The following SDHC variants were observed in gnomAD, a reference collection of about 807,000 sequenced individuals.
SDHC encodes the protein succinate dehydrogenase cytochrome b560 subunit, mitochondrial.
In SDHC, 11 loss-of-function variants were observed where a neutral mutation model predicts 22.6. That is an observed-to-expected ratio of 0.49 (90% CI 0.31 to 0.81). The LOEUF is 0.81. SDHC is among the 30% of genes least tolerant of loss of function. The pLI, the probability that SDHC is intolerant of heterozygous loss-of-function variation, is 0.05. For synonymous variants in SDHC, 80 were observed against 77.8 expected (o/e 1.03, Z -0.15); for missense variants, 160 against 212.0 (o/e 0.75, Z 1.52).
At chr1:161,331,731 G>A (rs1037310226) in intron 3 of SDHC, among the ~76,000 whole-genome samples, 4 of 151,910 alleles carry the variant, frequency 2.6e-5, no homozygotes, top group African/African-American at 9.7e-5. Context: ...AAGTAGCTGG[G>A]ATTACAGGCG....
chr1:161,324,664 G>A (rs771878677), intron 2 of SDHC, among the ~76,000 whole-genome samples: 6 of 151,792 alleles, frequency 4.0e-5, no homozygotes, highest in Non-Finnish European at 7.4e-5. Flanking sequence ...ATGATTTAGT[G>A]TAGTTCAGCC....
At chr1:161,330,963 G>A (rs1671248960) in intron 3 of SDHC, among the ~76,000 whole-genome samples, 2 of 148,984 alleles carry the variant, frequency 1.3e-5, no homozygotes, top group Non-Finnish European at 3.0e-5. Context: ...GCGAGATTGT[G>A]GCGCCACTGC....
intron 1 of SDHC, among the ~76,000 whole-genome samples, chr1:161,317,558 T>G (rs1444666828): frequency 9.9e-6 from 1 of 100,528 alleles, no homozygotes; most frequent in Non-Finnish European, 1.9e-5. Flanking sequence ...TGGTTTTTTT[T>G]TTTTTTTTTT....
chr1:161,357,678 C>T (rs935953672), intron 5 of SDHC, among the ~76,000 whole-genome samples: 43 of 152,146 alleles, frequency 2.8e-4, no homozygotes, highest in Non-Finnish European at 5.9e-4. Flanking sequence ...GGATTACAGA[C>T]GTGAGCCACT....
chr1:161,340,449 G>C, intron 3 of SDHC, 145 bp from the exon 4 acceptor site: 1 of 675,272 alleles, frequency 1.5e-6, no homozygotes, highest in South Asian at 1.7e-5. Context: ...GCCAGCCTGG[G>C]CAACAGAGCG....
At chr1:161,362,198 A>C in intron 5 of SDHC, 131 bp from the exon 6 acceptor site, 5 of 1,072,150 alleles carry the variant, frequency 4.7e-6, no homozygotes, top group South Asian at 1.4e-5. Flanking sequence ...GCATAAGGGT[A>C]GAAGCGCTTT....
At chr1:161,360,675 G>A (rs1475790695) in intron 5 of SDHC, among the ~76,000 whole-genome samples, 1 of 152,070 alleles carries the variant, frequency 6.6e-6, no homozygotes, top group Non-Finnish European at 1.5e-5. Context: ...GAGCCCAGGA[G>A]TTCAATACTA....
intron 4 of SDHC, among the ~76,000 whole-genome samples, chr1:161,351,959 C>G (rs1184823578): frequency 6.6e-6 from 1 of 152,198 alleles, no homozygotes; most frequent in Non-Finnish European, 1.5e-5. Context: ...GACTTGCTGA[C>G]AGTCCGCACA....
intron 4 of SDHC, among the ~76,000 whole-genome samples, chr1:161,345,064 C>T (rs1414045114): frequency 6.6e-6 from 1 of 152,222 alleles, no homozygotes; most frequent in Admixed American, 6.5e-5. Flanking sequence ...CACTTTAGCA[C>T]TTAGATTAAA....
rs1671080111 is a variant in SDHC at position 161,326,968 on chromosome 1, G to C, written c.78-1428G>C. 2.0e-5 allele frequency among the ~76,000 whole-genome samples: 3 copies of C among 152,090 alleles called. No homozygotes were observed. In the South Asian group the frequency reaches 6.2e-4, roughly 32 times the overall value. On this transcript the variant is annotated intron_variant, in intron 2 of 5. Transcript: ENST00000367975. ...ATGTAGAGTGTTGCTCTGTTGCCCA[G>C]GGTGGAGTGCCATGATGCAATCACA...
At chr1:161,339,662 G>GTTTTTTGTTTTTTTTTTTT (rs1671638886) in intron 3 of SDHC, 2 of 49,566 alleles carry the variant, frequency 4.0e-5, no homozygotes, top group Non-Finnish European at 6.9e-5. Context: ...TGATACAGGT[G>GTTTTTTGTTTTTTTTTTTT]TTTTTTTTTT....
chr1:161,346,927 T>C (rs902047184), intron 4 of SDHC, among the ~76,000 whole-genome samples: 13 of 152,158 alleles, frequency 8.5e-5, no homozygotes, highest in Non-Finnish European at 7.3e-5. Flanking sequence ...ATGTAAACGC[T>C]ATGTAAATAG....
At chr1:161,361,397 G>A (rs1274084229) in intron 5 of SDHC, among the ~76,000 whole-genome samples, 1 of 152,000 alleles carries the variant, frequency 6.6e-6, no homozygotes, top group East Asian at 1.9e-4. Flanking sequence ...ACAAAATTGA[G>A]AAATAGTGTT....
intron 4 of SDHC, among the ~76,000 whole-genome samples, chr1:161,347,297 C>A (rs1399780398): frequency 2.0e-5 from 3 of 152,104 alleles, no homozygotes; most frequent in Non-Finnish European, 4.4e-5. Flanking sequence ...CTCTGTCGGC[C>A]AGGCTGGAGT....
At chr1:161,325,359 A>T (rs899485366) in intron 2 of SDHC, among the ~76,000 whole-genome samples, 4 of 151,316 alleles carry the variant, frequency 2.6e-5, no homozygotes, top group African/African-American at 9.7e-5. Flanking sequence ...AAATAAATAA[A>T]TAAATAAATA....
chr1:161,338,754 A>G (rs958335703), intron 3 of SDHC, among the ~76,000 whole-genome samples: 1 of 152,248 alleles, frequency 6.6e-6, no homozygotes, highest in Non-Finnish European at 1.5e-5. Flanking sequence ...CATGTATTAT[A>G]TGAAACTGTG....
At position 161,343,917 on chromosome 1, in the gene SDHC, G is replaced by C. The variant is rs569871726; in HGVS notation, c.241+3262G>C. Among the ~76,000 whole-genome samples the C allele has an allele frequency of 5.9e-5, 9 of 152,136 alleles. No homozygotes were observed. The East Asian group carries it at 1.4e-3, about 23-fold the overall frequency. On this transcript the variant is annotated intron_variant, in intron 4 of 5. Transcript: ENST00000367975. The stretch of plus-strand genomic sequence containing the variant: ...CTAAAATTGAATATTTTTCACAACT[G>C]AAGAATTATTTGGGCAGGGTGCAGT...
At chr1:161,357,428 T>C (rs1025065815) in intron 5 of SDHC, among the ~76,000 whole-genome samples, 3 of 152,202 alleles carry the variant, frequency 2.0e-5, no homozygotes, top group African/African-American at 7.2e-5. Flanking sequence ...AGACAAAGTC[T>C]CGCTCTGTCT....
At chr1:161,317,873 A>G (rs886823252) in intron 1 of SDHC, among the ~76,000 whole-genome samples, 1 of 151,770 alleles carries the variant, frequency 6.6e-6, no homozygotes, top group African/African-American at 2.4e-5. Context: ...CAACATAATA[A>G]CATAATAATA....
Sources: allele counts gnomAD v4.1 joint callset (sites outside exome capture counted in the v4.1 genomes callset), GRCh38; gene constraint gnomAD v4.1.1; transcripts MANE v1.5; gene names NCBI Gene and HGNC (gene_info 2026-07-23, HGNC 2026-07-21).